Variants in SHANK2 observed in about 807,000 individuals in gnomAD.
The protein encoded by SHANK2 is SH3 and multiple ankyrin repeat domains protein 2.
A neutral mutation model predicts 133.7 loss-of-function variants in SHANK2; 43 were observed. The ratio of observed to expected loss-of-function variants is 0.32; its 90% CI spans 0.25 to 0.41. The LOEUF is 0.41. Among genes scored for constraint, SHANK2 ranks in the 10% least tolerant of loss-of-function variants. The probability of loss-of-function intolerance (pLI) is 1.00; values close to 1 mark genes in which losing one functional copy is unlikely to be tolerated. For missense variants in SHANK2, 1,994 were observed against 2,235.8 expected (o/e 0.89, Z 2.18); for synonymous variants, 1,017 against 952.8 (o/e 1.07, Z -1.24).
chr11:71,176,916 A>T (rs1555113179), intron 2 of SHANK2, among the ~76,000 whole-genome samples: 1 of 152,228 alleles, frequency 6.6e-6, no homozygotes, highest in East Asian at 1.9e-4. Context: ...AAGGCACAAC[A>T]TAACAAAATG....
chr11:71,211,008 C>T (rs1302500234), intron 2 of SHANK2, among the ~76,000 whole-genome samples: 1 of 152,094 alleles, frequency 6.6e-6, no homozygotes, highest in Non-Finnish European at 1.5e-5. Flanking sequence ...AGGATCCTGC[C>T]ATTTGACCCC....
At chr11:70,488,715 G>A (rs1555154999) in intron 24 of SHANK2, among the ~76,000 whole-genome samples, 1 of 152,250 alleles carries the variant, frequency 6.6e-6, no homozygotes, top group African/African-American at 2.4e-5. Flanking sequence ...TTTGGAGCAG[G>A]GGCTGAGAGC....
chr11:70,746,648 C>A (rs1170854411), intron 14 of SHANK2, among the ~76,000 whole-genome samples: 3 of 152,180 alleles, frequency 2.0e-5, no homozygotes, highest in Non-Finnish European at 2.9e-5. Flanking sequence ...TTCAGGGTCA[C>A]CCCTAGGAGG....
chr11:70,504,349 T>G (rs1554967907), intron 17 of SHANK2, among the ~76,000 whole-genome samples: 1 of 150,492 alleles, frequency 6.6e-6, no homozygotes, highest in African/African-American at 2.5e-5. Flanking sequence ...ACAGGCCCAG[T>G]GCCTGGCTCC....
intron 9 of SHANK2, among the ~76,000 whole-genome samples, chr11:71,073,142 C>CTTTTTTTT (rs1951165821): frequency 3.2e-4 from 13 of 41,086 alleles, no homozygotes; most frequent in African/African-American, 5.9e-4. Flanking sequence ...TTTTCTTTTT[C>CTTTTTTTT]TTTTCTTTTT....
chr11:70,869,453 G>A (rs1245416459), intron 11 of SHANK2, among the ~76,000 whole-genome samples: 1 of 152,224 alleles, frequency 6.6e-6, no homozygotes, highest in Admixed American at 6.5e-5. Context: ...CCATACCAGA[G>A]TGATTAATGC....
chr11:71,108,299 C>T (rs1273084576), intron 6 of SHANK2, among the ~76,000 whole-genome samples: 1 of 152,182 alleles, frequency 6.6e-6, no homozygotes, highest in Admixed American at 6.5e-5. Context: ...CGGCCAGGGC[C>T]CTCCCAAGCC....
intron 10 of SHANK2, among the ~76,000 whole-genome samples, chr11:70,939,433 G>A (rs1555083959): frequency 6.6e-6 from 1 of 152,286 alleles, no homozygotes; most frequent in Non-Finnish European, 1.5e-5. Context: ...AGCCGAGATT[G>A]TGCCATTGCA....
intron 10 of SHANK2, among the ~76,000 whole-genome samples, chr11:70,930,204 T>A (rs1408382588): frequency 6.6e-6 from 1 of 152,212 alleles, no homozygotes; most frequent in Non-Finnish European, 1.5e-5. Context: ...TGGATGAGGA[T>A]CAGAAAGTCC....
intron 17 of SHANK2, among the ~76,000 whole-genome samples, chr11:70,515,045 CAAAAT>C (rs2135898542): frequency 1.3e-5 from 2 of 152,286 alleles, no homozygotes; most frequent in African/African-American, 4.8e-5. Context: ...TAATATCAGA[CAAAAT>C]AAATTTTTGA....
At chr11:71,192,995 T>G (rs1483051877) in intron 2 of SHANK2, among the ~76,000 whole-genome samples, 3 of 152,180 alleles carry the variant, frequency 2.0e-5, no homozygotes, top group African/African-American at 7.2e-5. Flanking sequence ...TTACTCTTCC[T>G]CCTTTAAAGA....
At chr11:71,091,758 T>C (rs986991805) in intron 8 of SHANK2, among the ~76,000 whole-genome samples, 1 of 152,172 alleles carries the variant, frequency 6.6e-6, no homozygotes, top group Non-Finnish European at 1.5e-5. Flanking sequence ...TCCTCAGCCC[T>C]GGCTCTCCTG....
intron 10 of SHANK2, among the ~76,000 whole-genome samples, chr11:70,906,542 C>G (rs1269829384): frequency 6.6e-6 from 1 of 152,202 alleles, no homozygotes; most frequent in Non-Finnish European, 1.5e-5. Flanking sequence ...CCTCCCGACA[C>G]AGAGAGCTAT....
At chr11:71,116,830 G>A (rs1345549345) in intron 4 of SHANK2, among the ~76,000 whole-genome samples, 1 of 152,022 alleles carries the variant, frequency 6.6e-6, no homozygotes, top group Non-Finnish European at 1.5e-5. Context: ...GGGGAGCCAG[G>A]AACTACTCCT....
intron 14 of SHANK2, among the ~76,000 whole-genome samples, chr11:70,780,172 G>T (rs115617175): frequency 2.0e-5 from 3 of 152,160 alleles, no homozygotes; most frequent in Non-Finnish European, 4.4e-5. Flanking sequence ...ACAATTTTAG[G>T]CTTCTCCATT....
chr11:71,069,704 T>C (rs1018489161), intron 9 of SHANK2, among the ~76,000 whole-genome samples: 4 of 152,322 alleles, frequency 2.6e-5, no homozygotes, highest in Middle Eastern at 3.4e-3. Flanking sequence ...CAGGACAGCA[T>C]AGCAAGGCAA....
At chr11:70,893,125 T>C (rs1232582802) in intron 11 of SHANK2, among the ~76,000 whole-genome samples, 1 of 152,206 alleles carries the variant, frequency 6.6e-6, no homozygotes, top group African/African-American at 2.4e-5. Context: ...ACGTGGAGGT[T>C]TGCATGGCTG....
chr11:70,727,368 C>A (rs969557066), intron 14 of SHANK2, among the ~76,000 whole-genome samples: 1 of 152,196 alleles, frequency 6.6e-6, no homozygotes, highest in East Asian at 1.9e-4. Flanking sequence ...GGGTCTTTCT[C>A]CAGAGACAGC....
chr11:70,506,954 C>T (rs781798804), intron 17 of SHANK2, among the ~76,000 whole-genome samples: 4 of 152,346 alleles, frequency 2.6e-5, no homozygotes, highest in South Asian at 4.1e-4. Context: ...CCCCATCCAG[C>T]GATTACCAAG....
Sources: gnomAD v4.1 joint callset for allele counts (sites outside exome capture counted in the v4.1 genomes callset) on GRCh38, gnomAD v4.1.1 for gene constraint, MANE v1.5 for transcripts, NCBI Gene and HGNC (gene_info 2026-07-23, HGNC 2026-07-21) for gene names.